The following ADAMTS18 variants were observed in gnomAD, a reference collection of about 807,000 sequenced individuals.
ADAMTS18 encodes A disintegrin and metalloproteinase with thrombospondin motifs 18.
ADAMTS18 carries 157 observed loss-of-function variants against 165.9 expected under a neutral mutation model. That is an observed-to-expected ratio of 0.95 (90% confidence interval 0.83 to 1.08). The LOEUF (loss-of-function observed/expected upper bound fraction) is 1.08, where lower values mean the gene tolerates loss of function less well. Ranked by LOEUF, ADAMTS18 falls within the 50% of genes least tolerant of loss-of-function variation. The pLI, the probability that ADAMTS18 is intolerant of heterozygous loss-of-function variation, is 0.00. For synonymous variants in ADAMTS18, 782 were observed against 578.2 expected (o/e 1.35, Z -5.06); for missense variants, 2,040 against 1,534.0 (o/e 1.33, Z -5.51).
chr16:77,340,923 C>G (rs2056388491), intron 11 of ADAMTS18, among the ~76,000 whole-genome samples: 1 of 152,194 alleles, frequency 6.6e-6, no homozygotes, highest in East Asian at 1.9e-4. Flanking sequence ...TTTATACTGC[C>G]TTGAGACAGA....
At chr16:77,355,202 T>TTGTGTGTG (rs141620918) in intron 9 of ADAMTS18, among the ~76,000 whole-genome samples, 3,970 of 146,640 alleles carry the variant, frequency 0.027, 77 homozygotes, top group African/African-American at 0.057. Context: ...AAAGGTAGGA[T>TTGTGTGTG]TGTGTGTGTG....
At chr16:77,389,430 A>G (rs557210991) in intron 3 of ADAMTS18, among the ~76,000 whole-genome samples, 47 of 152,334 alleles carry the variant, frequency 3.1e-4, no homozygotes, top group African/African-American at 1.1e-3. Flanking sequence ...GCATGGTGTT[A>G]CGGAAAACTC....
chr16:77,423,656 A>T (rs989724064), intron 3 of ADAMTS18, among the ~76,000 whole-genome samples: 6 of 152,190 alleles, frequency 3.9e-5, no homozygotes, highest in Non-Finnish European at 2.9e-5. Context: ...GTCCAAAGAC[A>T]TTACACTATG....
chr16:77,399,886 T>C (rs1006994601), intron 3 of ADAMTS18, among the ~76,000 whole-genome samples: 2 of 152,184 alleles, frequency 1.3e-5, no homozygotes, highest in Non-Finnish European at 1.5e-5. Context: ...TAGTATAAAC[T>C]AATTACAGAT....
intron 3 of ADAMTS18, among the ~76,000 whole-genome samples, chr16:77,370,800 T>C (rs187036167): frequency 6.6e-6 from 1 of 151,144 alleles, no homozygotes; most frequent in Admixed American, 6.6e-5. Flanking sequence ...GATATATATA[T>C]ATATATACAT....
chr16:77,387,356 A>T (rs2057122869), intron 3 of ADAMTS18, among the ~76,000 whole-genome samples: 1 of 152,164 alleles, frequency 6.6e-6, no homozygotes, highest in Admixed American at 6.5e-5. Flanking sequence ...AAAATTTAAG[A>T]TGGCTCAGGT....
intron 3 of ADAMTS18, among the ~76,000 whole-genome samples, chr16:77,400,429 T>G (rs1364710981): frequency 1.3e-5 from 1 of 74,756 alleles, no homozygotes; most frequent in Non-Finnish European, 3.7e-5. Context: ...GGGAATTGTG[T>G]GTGTGTGTGT....
chr16:77,367,343 C>G (rs986115872), intron 4 of ADAMTS18, 98 bp downstream of exon 4: 118 of 1,364,186 alleles, frequency 8.6e-5, no homozygotes, highest in Middle Eastern at 7.4e-4. Flanking sequence ...CTCAGGGTAG[C>G]CCCATTTTGA....
Position 77,283,790 on chromosome 16 carries a change from T to C in ADAMTS18, c.*166A>G. On this transcript the variant is annotated 3_prime_UTR_variant, in exon 23 of 23. Transcript: ENST00000282849. ...TACCACGTGCTTCAGGGAATTGAGC[T>C]AGAAGCCTACTGGCAACCTGTCTGT... 1 of 623,906 alleles carries C rather than the reference T, an allele frequency of 1.6e-6. No individual in the cohort carries two copies. The highest frequency in any genetic ancestry group is 2.9e-6 in the Non-Finnish European group (1 of 347,844). The allele number at this position is 623,906 out of a possible 1,614,324, so 38.6% of individuals were successfully genotyped here. A position where few individuals can be genotyped will look rare whatever the true frequency, so the allele number is the denominator to read the frequency against.
chr16:77,332,718 GT>G (rs1430253145), intron 12 of ADAMTS18, among the ~76,000 whole-genome samples: 4 of 152,132 alleles, frequency 2.6e-5, no homozygotes, highest in Admixed American at 1.3e-4. Flanking sequence ...CCACCTTCAT[GT>G]GCACAGAGCA....
intron 3 of ADAMTS18, among the ~76,000 whole-genome samples, chr16:77,395,599 C>G (rs1420174005): frequency 6.6e-6 from 1 of 152,162 alleles, no homozygotes; most frequent in Non-Finnish European, 1.5e-5. Flanking sequence ...GCACTTGCCC[C>G]AGTTTTAAAA....
chr16:77,293,332 ACT>A, intron 19 of ADAMTS18, 74 bp from the exon 20 acceptor site: 3 of 1,116,648 alleles, frequency 2.7e-6, no homozygotes, highest in Non-Finnish European at 4.1e-6. Flanking sequence ...AAAACAACAC[ACT>A]AAATATATTC....
At chr16:77,284,464 C>A (rs937836436) in intron 22 of ADAMTS18, among the ~76,000 whole-genome samples, 2 of 152,082 alleles carry the variant, frequency 1.3e-5, no homozygotes, top group African/African-American at 4.8e-5. Context: ...TTAATATTAA[C>A]ATAGCACCTT....
At chr16:77,334,694 G>GTA (rs1408811953) in intron 12 of ADAMTS18, among the ~76,000 whole-genome samples, 5 of 80,794 alleles carry the variant, frequency 6.2e-5, no homozygotes, top group Non-Finnish European at 1.1e-4. Flanking sequence ...TATATATATA[G>GTA]TATATATATA....
intron 16 of ADAMTS18, among the ~76,000 whole-genome samples, chr16:77,316,477 A>G (rs1399552705): frequency 6.6e-6 from 1 of 151,728 alleles, no homozygotes; most frequent in Non-Finnish European, 1.5e-5. Flanking sequence ...GATGGTGTAA[A>G]CCACCCTCTT....
Position 77,355,944 on chromosome 16 carries a change from G to A in ADAMTS18, c.1456C>T (p.Leu486Phe). The A allele has an allele frequency of 6.2e-7, 1 of 1,614,010 alleles. No homozygotes were observed. The highest frequency in any genetic ancestry group is 8.5e-7 in the Non-Finnish European group (1 of 1,179,918). ...CCAGGATTTAACCTGTCATACCTGA[G>A]GAATTTCTTGAGATACTGGCGGCTG... Reference protein sequence around the residue: ...SCSRQYLKKFLSTPQAGCLVD... With the variant: ...SCSRQYLKKFFSTPQAGCLVD... The change falls in exon 9 of 23, where the codon CTC becomes TTC. Residue 486 changes from leucine (L) to phenylalanine (F), a missense_variant. By Grantham distance (22) the Leu-to-Phe change is conservative. Coordinates refer to ENST00000282849, the MANE Select transcript of ADAMTS18 (RefSeq NM_199355.4).
chr16:77,293,930 A>G (rs1022240724), intron 19 of ADAMTS18, among the ~76,000 whole-genome samples: 1 of 151,796 alleles, frequency 6.6e-6, no homozygotes, highest in Non-Finnish European at 1.5e-5. Flanking sequence ...GTACTTGTTC[A>G]TGACCTGGGG....
chr16:77,297,916 CTTTTTTTTTT>C (rs34422251), intron 17 of ADAMTS18, among the ~76,000 whole-genome samples: 3 of 61,536 alleles, frequency 4.9e-5, no homozygotes, highest in South Asian at 9.2e-4. Context: ...TCTGCTTTTG[CTTTTTTTTTT>C]TTTTTTTTTT....
At chr16:77,308,503 G>A (rs534508750) in intron 16 of ADAMTS18, among the ~76,000 whole-genome samples, 2 of 150,128 alleles carry the variant, frequency 1.3e-5, no homozygotes, top group Admixed American at 1.3e-4. Flanking sequence ...GGAGGAGCAT[G>A]AACTAGTAAG....
Sources: gnomAD v4.1 joint callset for allele counts (sites outside exome capture counted in the v4.1 genomes callset) on GRCh38, gnomAD v4.1.1 for gene constraint, MANE v1.5 for transcripts, NCBI Gene and HGNC (gene_info 2026-07-23, HGNC 2026-07-21) for gene names.